Variants in CNIH4 observed in about 807,000 individuals in gnomAD.
CNIH4 encodes cornichon family member 4.
In CNIH4, 9 loss-of-function variants were observed where a neutral mutation model predicts 21.5. The ratio of observed to expected loss-of-function variants is 0.42; its 90% CI spans 0.25 to 0.73. The LOEUF is 0.73. Among genes scored for constraint, CNIH4 ranks in the 30% least tolerant of loss-of-function variants. CNIH4 has a pLI of 0.27. For missense variants in CNIH4, 159 were observed against 170.0 expected (o/e 0.94, Z 0.36); for synonymous variants, 67 against 59.1 (o/e 1.13, Z -0.61).
In CNIH4 at chr1:224,370,875, C is replaced by CT. The variant is rs34962459; in HGVS notation, c.252-389dup. Among the ~76,000 whole-genome samples the CT allele has an allele frequency of 2.6e-3, 353 of 135,152 alleles. 1 individual carries two copies. The highest frequency in any genetic ancestry group is 5.1e-3 in the South Asian group (22 of 4,288). 88.7% of individuals were successfully genotyped at this position (135,152 alleles called of 152,430 possible). A position where few individuals can be genotyped will look rare whatever the true frequency, so the allele number is the denominator to read the frequency against. ...ATTTAAGGCTGCTATGATTGGCTCA[C>CT]TTTTTTTTTTTTTTTTTTTGAGATG... is the stretch of plus-strand genomic sequence containing the variant. On this transcript the variant is annotated intron_variant, in intron 3 of 4. Coordinates refer to ENST00000465271, the MANE Select transcript of CNIH4 (RefSeq NM_014184.4).
Position 224,364,785 on chromosome 1 carries a change from T to C in CNIH4, c.139-1094T>C, listed in dbSNP as rs374163821. ...CCGTCTCTACTAAAAAATACAAAAA[T>C]TAGCTGGCATGGTGGCGGGCGCCTG... On this transcript the variant is annotated intron_variant, in intron 2 of 4. Transcript: ENST00000465271. Among the ~76,000 whole-genome samples, 59 of 152,104 alleles carry C rather than the reference T, an allele frequency of 3.9e-4. 1 individual carries two copies. The South Asian group carries it at 6.6e-3, about 17-fold the overall frequency.
chr1:224,377,781 T>C lies in CNIH4; in HGVS notation c.*1959T>C, dbSNP rs1391970491. 1 of 152,076 alleles carries C rather than the reference T, an allele frequency of 6.6e-6. No homozygotes were observed. The highest frequency in any genetic ancestry group is 2.4e-5 in the African/African-American group (1 of 41,410). The allele number at this position is 152,076 out of a possible 1,614,324, so 9.4% of individuals were successfully genotyped here. A position where few individuals can be genotyped will look rare whatever the true frequency, so the allele number is the denominator to read the frequency against. On this transcript the variant is annotated 3_prime_UTR_variant, in exon 5 of 5. Transcript: ENST00000465271. Reference sequence around the variant, plus strand: ...AGGTGTGAGCCACTGCGCCTGGCCATGTAGATGACTTTTGACCAAAATGTT... The same window carrying C: ...AGGTGTGAGCCACTGCGCCTGGCCACGTAGATGACTTTTGACCAAAATGTT...
rs575467907 is a variant in CNIH4 at position 224,366,294 on chromosome 1, G to A, written c.251+303G>A. Among the ~76,000 whole-genome samples, 12 of 151,402 alleles carry A rather than the reference G, an allele frequency of 7.9e-5. No individual in the cohort carries two copies. In the South Asian group the frequency reaches 1.9e-3, roughly 24 times the overall value. ...TGACCTCAGGTGATCTGCTGGTCTC[G>A]GCCTCCCAAAGGGCTGGGATTATTT... On this transcript the variant is annotated intron_variant, in intron 3 of 4. Coordinates refer to ENST00000465271, the MANE Select transcript of CNIH4 (RefSeq NM_014184.4).
At chr1:224,359,498 T>TG (rs1304104168) in intron 1 of CNIH4, among the ~76,000 whole-genome samples, 1 of 152,184 alleles carries the variant, frequency 6.6e-6, no homozygotes, top group African/African-American at 2.4e-5. Context: ...AAGTGATACT[T>TG]GTGTCAGTAA....
chr1:224,362,381 TTCTC>T (rs139040394), intron 2 of CNIH4, among the ~76,000 whole-genome samples: 37 of 149,594 alleles, frequency 2.5e-4, no homozygotes, highest in Non-Finnish European at 2.5e-4. Context: ...CTCATTCTCA[TTCTC>T]TCTCTCTCTC....
intron 4 of CNIH4, among the ~76,000 whole-genome samples, chr1:224,373,883 ATTTTGGGGC>A (rs1672707618): frequency 6.6e-6 from 1 of 152,150 alleles, no homozygotes; most frequent in Admixed American, 6.5e-5. Context: ...TTAAGATGTA[ATTTTGGGGC>A]AGGTTTAAGA....
In CNIH4 at chr1:224,371,298, G is replaced by T. The variant is rs1396381468; in HGVS notation, c.267G>T (p.Pro89=). 3 of 1,613,692 alleles carry T rather than the reference G, an allele frequency of 1.9e-6. No homozygotes were observed. Among genetic ancestry groups the T allele is most frequent in the African/African-American group, 2.7e-5 (2 of 74,984 alleles). The change falls in exon 4 of 5, where the codon CCG becomes CCT. Residue 89 remains proline (P), a synonymous_variant. Coordinates refer to ENST00000465271, the MANE Select transcript of CNIH4 (RefSeq NM_014184.4). ...TWNIYRYIMV[P]SGNMGVFDPT... ...AATTTATCAGATACATTATGGTGCCGAGTGGTAACATGGGAGTGTTTGATC... is the reference window on the plus strand; with the variant it reads ...AATTTATCAGATACATTATGGTGCCTAGTGGTAACATGGGAGTGTTTGATC...
chr1:224,357,497 C>G (rs769763355), intron 1 of CNIH4: 1 of 153,300 alleles, frequency 6.5e-6, no homozygotes, highest in Non-Finnish European at 1.5e-5. Context: ...CGCAACACCC[C>G]CGGCACCCGC....
intron 4 of CNIH4, among the ~76,000 whole-genome samples, chr1:224,374,252 G>A (rs1672717116): frequency 6.6e-6 from 1 of 152,174 alleles, no homozygotes; most frequent in Non-Finnish European, 1.5e-5. Context: ...CTTGGACCTA[G>A]TTGACATTTC....
intron 2 of CNIH4, among the ~76,000 whole-genome samples, chr1:224,361,909 A>T (rs895142591): frequency 6.6e-6 from 1 of 152,178 alleles, no homozygotes; most frequent in African/African-American, 2.4e-5. Context: ...GAGATAAGGT[A>T]ACTGCCAATT....
At chr1:224,365,387 T>C (rs1219503021) in intron 2 of CNIH4, among the ~76,000 whole-genome samples, 1 of 152,250 alleles carries the variant, frequency 6.6e-6, no homozygotes, top group East Asian at 1.9e-4. Context: ...TGGTCAACTT[T>C]GAGCTATTAT....
Position 224,379,188 on chromosome 1 carries a change from C to T in CNIH4, c.*3366C>T, listed in dbSNP as rs1226079051. 7 of 1,236,746 alleles carry T rather than the reference C, an allele frequency of 5.7e-6. No individual in the cohort carries two copies. In the East Asian group the frequency reaches 1.0e-4, roughly 18 times the overall value. The allele number at this position is 1,236,746 out of a possible 1,614,324, so 76.6% of individuals were successfully genotyped here. A position where few individuals can be genotyped will look rare whatever the true frequency, so the allele number is the denominator to read the frequency against. Reference sequence around the variant, plus strand: ...GGTCCCCTCAGCTGCCTTTTCATGCCTGCCACAGACTACAGTAGGACAAAA... The same window carrying T: ...GGTCCCCTCAGCTGCCTTTTCATGCTTGCCACAGACTACAGTAGGACAAAA... On this transcript the variant is annotated 3_prime_UTR_variant, in exon 5 of 5. Transcript: ENST00000465271.
Position 224,356,881 on chromosome 1 carries a change from C to G in CNIH4, c.-44C>G. ...GCCTATCAGGGGTGGGTCGGGGCAT[C>G]CGAGCGGGTTTGACGGAAGGAGCGG... On this transcript the variant is annotated 5_prime_UTR_variant, in exon 1 of 5. The change creates a new upstream start codon in the 5' untranslated region. Coordinates refer to ENST00000465271, the MANE Select transcript of CNIH4 (RefSeq NM_014184.4). 1 of 1,550,868 alleles carries G rather than the reference C, an allele frequency of 6.4e-7. No individual in the cohort carries two copies. Among genetic ancestry groups the G allele is most frequent in the Non-Finnish European group, 8.8e-7 (1 of 1,137,096 alleles).
intron 4 of CNIH4, among the ~76,000 whole-genome samples, chr1:224,373,723 G>A (rs551549147): frequency 6.6e-6 from 1 of 152,244 alleles, no homozygotes; most frequent in South Asian, 2.1e-4. Context: ...AGCTACTCGG[G>A]AGGCTGAGGC....
At chr1:224,372,477 AT>A (rs888094166) in intron 4 of CNIH4, among the ~76,000 whole-genome samples, 1 of 152,226 alleles carries the variant, frequency 6.6e-6, no homozygotes, top group Admixed American at 6.5e-5. Context: ...TCACATAGGC[AT>A]AAGGACTATT....
At position 224,365,919 on chromosome 1, in the gene CNIH4, T is replaced by C. The variant is rs1219454055; in HGVS notation, c.179T>C (p.Val60Ala). The change falls in exon 3 of 5, where the codon GTA (valine) becomes GCA (alanine). Residue 60 changes from valine (V) to alanine (A), a missense_variant. Physicochemically the swap from Val to Ala is moderately conservative, Grantham distance 64. Transcript: ENST00000465271. ...TTGATTGGCCATACCATTGTCACTG[T>C]ATTACTGCTCATGTCATTGCACTGG... is the stretch of plus-strand genomic sequence containing the variant. ...PELIGHTIVTVLLLMSLHWFI... is the reference protein window; with the variant it reads ...PELIGHTIVTALLLMSLHWFI... 1 of 1,613,104 alleles carries C rather than the reference T, an allele frequency of 6.2e-7. No homozygotes were observed. Among genetic ancestry groups the C allele is most frequent in the Non-Finnish European group, 8.5e-7 (1 of 1,179,116 alleles).
At chr1:224,365,834 G>A in intron 2 of CNIH4, 45 bp from the exon 3 acceptor site, 1 of 1,084,466 alleles carries the variant, frequency 9.2e-7, no homozygotes, top group Non-Finnish European at 1.4e-6. Context: ...GTACAGTCAG[G>A]AAGGACATAG....
At chr1:224,365,770 A>G in intron 2 of CNIH4, 109 bp from the exon 3 acceptor site, 1 of 768,378 alleles carries the variant, frequency 1.3e-6, no homozygotes, top group Non-Finnish European at 2.3e-6. Context: ...AATAATCTTG[A>G]AACAGTAGCT....
intron 4 of CNIH4, among the ~76,000 whole-genome samples, chr1:224,373,964 T>G (rs1019889335): frequency 6.6e-6 from 1 of 152,266 alleles, no homozygotes. Flanking sequence ...CCTGGGCAGC[T>G]GTGTACTTCA....
Sources: allele counts gnomAD v4.1 joint callset (sites outside exome capture counted in the v4.1 genomes callset), GRCh38; gene constraint gnomAD v4.1.1; transcripts MANE v1.5; gene names NCBI Gene and HGNC (gene_info 2026-07-23, HGNC 2026-07-21).